The following ASB3 variants were observed in gnomAD, a reference collection of about 807,000 sequenced individuals.
The protein encoded by ASB3 is ankyrin repeat and SOCS box protein 3.
In ASB3, 41 loss-of-function variants were observed where a neutral mutation model predicts 54.5. The observed-to-expected ratio is 0.75, with a 90% CI of 0.59 to 0.98. ASB3 has a LOEUF of 0.98. Ranked by LOEUF, ASB3 falls within the 50% of genes least tolerant of loss-of-function variation. The pLI, the probability that ASB3 is intolerant of heterozygous loss-of-function variation, is 0.00. For missense variants in ASB3, 733 were observed against 620.0 expected, an observed-to-expected ratio of 1.18 and a Z score of -1.94; for synonymous variants, 266 against 221.2, an observed-to-expected ratio of 1.20 and a Z score of -1.80.
intron 9 of ASB3, among the ~76,000 whole-genome samples, chr2:53,685,143 T>C (rs1668569722): frequency 6.6e-6 from 1 of 152,214 alleles, no homozygotes; most frequent in African/African-American, 2.4e-5. Flanking sequence ...TTCTTTTACA[T>C]TCTCTTTTTT....
chr2:53,746,330 G>A (rs777890405), intron 3 of ASB3, among the ~76,000 whole-genome samples: 4 of 152,096 alleles, frequency 2.6e-5, no homozygotes, highest in African/African-American at 4.8e-5. Context: ...GCAAGGCAGA[G>A]TGCTAAAGTT....
intron 7 of ASB3, among the ~76,000 whole-genome samples, chr2:53,701,390 G>C (rs1041489947): frequency 6.6e-6 from 1 of 152,166 alleles, no homozygotes; most frequent in Non-Finnish European, 1.5e-5. Flanking sequence ...AACTGAAGCT[G>C]AGTCACAGAG....
At chr2:53,734,235 G>A (rs1045256368) in intron 3 of ASB3, among the ~76,000 whole-genome samples, 7 of 152,122 alleles carry the variant, frequency 4.6e-5, no homozygotes, top group African/African-American at 1.2e-4. Context: ...ACTCCACTTC[G>A]CAGTTTGTTC....
chr2:53,695,745 C>T (rs1021374701), intron 8 of ASB3, among the ~76,000 whole-genome samples: 1 of 152,080 alleles, frequency 6.6e-6, no homozygotes, highest in African/African-American at 2.4e-5. Flanking sequence ...ATTTAATCAA[C>T]TAAATGCACA....
At chr2:53,685,377 C>A (rs980106520) in intron 9 of ASB3, among the ~76,000 whole-genome samples, 6 of 152,116 alleles carry the variant, frequency 3.9e-5, no homozygotes, top group Non-Finnish European at 7.4e-5. Flanking sequence ...AATGTTTCTC[C>A]AGAAATGGAA....
chr2:53,740,736 T>C (rs1408053180), intron 3 of ASB3, among the ~76,000 whole-genome samples: 2 of 152,186 alleles, frequency 1.3e-5, no homozygotes, highest in African/African-American at 4.8e-5. Flanking sequence ...ATCATCCACG[T>C]TATCACTGAC....
At chr2:53,685,077 T>C (rs1200918190) in intron 9 of ASB3, among the ~76,000 whole-genome samples, 4 of 152,192 alleles carry the variant, frequency 2.6e-5, no homozygotes, top group Non-Finnish European at 4.4e-5. Context: ...GGCCAGAGTA[T>C]GAAGAGCCCT....
intron 8 of ASB3, among the ~76,000 whole-genome samples, chr2:53,695,885 CA>C: frequency 6.6e-6 from 1 of 152,136 alleles, no homozygotes; most frequent in Admixed American, 6.5e-5. Flanking sequence ...CTGTTTAAGA[CA>C]AGCAATACCC....
chr2:53,736,892 A>G (rs1671666432), intron 3 of ASB3, among the ~76,000 whole-genome samples: 1 of 151,452 alleles, frequency 6.6e-6, no homozygotes, highest in Non-Finnish European at 1.5e-5. Context: ...ACTGAGGCAC[A>G]AGAATCACTT....
At chr2:53,716,014 A>C (rs1222945118) in intron 6 of ASB3, among the ~76,000 whole-genome samples, 1 of 152,188 alleles carries the variant, frequency 6.6e-6, no homozygotes, top group Non-Finnish European at 1.5e-5. Flanking sequence ...TTGACTGCCA[A>C]TTTATGATAG....
intron 9 of ASB3, among the ~76,000 whole-genome samples, chr2:53,674,765 T>C (rs1667990976): frequency 6.6e-6 from 1 of 152,236 alleles, no homozygotes; most frequent in South Asian, 2.1e-4. Context: ...TTGGTATCCA[T>C]CCTTTTGTTC....
intron 9 of ASB3, among the ~76,000 whole-genome samples, chr2:53,690,275 T>A (rs941854294): frequency 1.3e-5 from 2 of 152,010 alleles, no homozygotes; most frequent in African/African-American, 4.8e-5. Context: ...ATTAATTAAA[T>A]TAAAAACTGA....
intron 3 of ASB3, among the ~76,000 whole-genome samples, chr2:53,743,989 G>T (rs1325104791): frequency 1.3e-5 from 2 of 151,300 alleles, no homozygotes; most frequent in Admixed American, 6.6e-5. Context: ...GTTGCAGTAG[G>T]CAGAGATCGC....
At chr2:53,709,191 T>A (rs892378788) in intron 7 of ASB3, among the ~76,000 whole-genome samples, 1 of 152,176 alleles carries the variant, frequency 6.6e-6, no homozygotes, top group Non-Finnish European at 1.5e-5. Context: ...TGCCCCACTG[T>A]CCTCCACAGC....
intron 2 of ASB3, among the ~76,000 whole-genome samples, chr2:53,757,106 A>T (rs142121259): frequency 1.6e-4 from 25 of 152,278 alleles, no homozygotes; most frequent in African/African-American, 6.0e-4. Context: ...CATTTTGGTG[A>T]CCACAAAGGG....
At chr2:53,687,953 G>T (rs1215671594) in intron 9 of ASB3, among the ~76,000 whole-genome samples, 2 of 152,084 alleles carry the variant, frequency 1.3e-5, no homozygotes, top group Non-Finnish European at 2.9e-5. Context: ...AAGCAGCTGG[G>T]ACTACAGTCA....
At chr2:53,780,494 A>C (rs1000041208) in intron 1 of ASB3, among the ~76,000 whole-genome samples, 1 of 152,152 alleles carries the variant, frequency 6.6e-6, no homozygotes, top group Non-Finnish European at 1.5e-5. Context: ...AAATACAAGC[A>C]GAGGGGTGGG....
Position 53,693,909 on chromosome 2 carries a change from G to T in ASB3, c.1344C>A (p.Asn448Lys). The T allele has an allele frequency of 5.0e-6, 8 of 1,613,480 alleles. No individual in the cohort carries two copies. The highest frequency in any genetic ancestry group is 6.8e-6 in the Non-Finnish European group (8 of 1,179,568). ...CAATATGTTGCTGTAGAATCCAAGC[G>T]TTTGAGGCACGAGCAGAGAGCATCC... ...VERMLSARASNAWILQQHIAT... is the reference protein window; with the variant it reads ...VERMLSARASKAWILQQHIAT... Residue 448 changes from asparagine to lysine, a missense_variant, in exon 9 of 10, where the codon AAC becomes AAA. By Grantham distance (94) the Asn-to-Lys change is moderately conservative. Coordinates refer to ENST00000263634, the MANE Select transcript of ASB3 (RefSeq NM_016115.5).
intron 5 of ASB3, among the ~76,000 whole-genome samples, chr2:53,718,270 G>A (rs565704924): frequency 1.4e-5 from 2 of 144,018 alleles, no homozygotes; most frequent in South Asian, 4.5e-4. Flanking sequence ...AATCTTACAG[G>A]CAGCTAGAGA....
Sources: gnomAD v4.1 joint callset for allele counts (sites outside exome capture counted in the v4.1 genomes callset) on GRCh38, gnomAD v4.1.1 for gene constraint, MANE v1.5 for transcripts, NCBI Gene and HGNC (gene_info 2026-07-23, HGNC 2026-07-21) for gene names.